SCN9A: variants seen among roughly 807,000 people sequenced by gnomAD.
SCN9A encodes sodium voltage-gated channel alpha subunit 9.
Under a neutral mutation model 187.0 loss-of-function variants are expected in SCN9A, and 131 were observed. The observed-to-expected ratio is 0.70, with a 90% confidence interval of 0.61 to 0.81. The LOEUF (loss-of-function observed/expected upper bound fraction) is 0.81. Among genes scored for constraint, SCN9A ranks in the 30% least tolerant of loss-of-function variants. SCN9A has a pLI of 0.00. For missense variants in SCN9A, 2,252 were observed against 2,396.6 expected (o/e 0.94, Z 1.26); for synonymous variants, 809 against 808.6 (o/e 1.00, Z -0.01).
At chr2:166,314,212 C>G (rs925753883) in intron 1 of SCN9A, among the ~76,000 whole-genome samples, 1 of 152,106 alleles carries the variant, frequency 6.6e-6, no homozygotes, top group African/African-American at 2.4e-5. Flanking sequence ...GAAAAAATTA[C>G]GCTGACAGAC....
intron 17 of SCN9A, among the ~76,000 whole-genome samples, chr2:166,252,374 A>G (rs1558984376): frequency 6.6e-6 from 1 of 151,970 alleles, no homozygotes; most frequent in Non-Finnish European, 1.5e-5. Context: ...TTTTAAAAAG[A>G]TAAGTGCAAG....
intron 1 of SCN9A, among the ~76,000 whole-genome samples, chr2:166,370,951 A>T (rs1700546797): frequency 6.6e-6 from 1 of 152,236 alleles, no homozygotes; most frequent in Non-Finnish European, 1.5e-5. Flanking sequence ...TTGATAAATG[A>T]TTCAGAAAGC....
At chr2:166,201,066 C>T (rs1693488080) in intron 26 of SCN9A, among the ~76,000 whole-genome samples, 1 of 151,780 alleles carries the variant, frequency 6.6e-6, no homozygotes, top group African/African-American at 2.4e-5. Context: ...TATACTGTTT[C>T]CATTTTTGTT....
chr2:166,361,319 C>A (rs930895972), intron 1 of SCN9A, among the ~76,000 whole-genome samples: 5 of 152,010 alleles, frequency 3.3e-5, no homozygotes, highest in African/African-American at 9.7e-5. Context: ...AATAGAAAAG[C>A]TTTTGTATTG....
Position 166,251,804 on chromosome 2 carries a change from G to C in SCN9A, c.3433C>G (p.Pro1145Ala). 1 of 1,612,656 alleles carries C rather than the reference G, an allele frequency of 6.2e-7. No homozygotes were observed. The highest frequency in any genetic ancestry group is 8.5e-7 in the Non-Finnish European group (1 of 1,179,114). ...GCCTCTGGCTCATCGGAATTCATAG[G>C]TTCAGCCTCTGCTTCTTCTCCTTCT... ...PGEGEEAEAE[P>A]MNSDEPEACF... Residue 1145 changes from proline to alanine, a missense_variant, in exon 18 of 27, where the codon CCT (proline) becomes GCT (alanine). Transcript: ENST00000642356.
At chr2:166,210,206 G>A (rs1324819749) in intron 24 of SCN9A, among the ~76,000 whole-genome samples, 1 of 151,758 alleles carries the variant, frequency 6.6e-6, no homozygotes, top group Non-Finnish European at 1.5e-5. Flanking sequence ...CTATCGCAAG[G>A]AAAAAAACCA....
intron 26 of SCN9A, 112 bp from the exon 27 acceptor site, chr2:166,199,976 T>C (rs1007359080): frequency 7.3e-6 from 1 of 137,458 alleles, no homozygotes; most frequent in Non-Finnish European, 1.1e-5. Flanking sequence ...TTCAAGACAG[T>C]TTTTTTTTTT....
chr2:166,321,659 AG>A (rs1699246108), intron 1 of SCN9A: 1 of 152,064 alleles, frequency 6.6e-6, no homozygotes, highest in Non-Finnish European at 1.5e-5. Flanking sequence ...GTTGAAGGAG[AG>A]AAGGAAGATG....
chr2:166,374,052 T>C (rs894023756), intron 1 of SCN9A, among the ~76,000 whole-genome samples: 3 of 152,138 alleles, frequency 2.0e-5, no homozygotes, highest in Non-Finnish European at 2.9e-5. Context: ...AGTAAAAACA[T>C]AGAAGCATTA....
chr2:166,295,890 T>C (rs1698279334), intron 7 of SCN9A: 1 of 152,206 alleles, frequency 6.6e-6, no homozygotes, highest in Non-Finnish European at 1.5e-5. Flanking sequence ...TGTCATTTGC[T>C]GTTAAGGCTT....
At chr2:166,321,722 T>A (rs1699247982) in intron 1 of SCN9A, among the ~76,000 whole-genome samples, 1 of 152,082 alleles carries the variant, frequency 6.6e-6, no homozygotes, top group African/African-American at 2.4e-5. Flanking sequence ...TATTTACTTT[T>A]TAATTCTCAA....
At chr2:166,330,997 GA>G (rs558793028) in intron 1 of SCN9A, among the ~76,000 whole-genome samples, 1 of 151,866 alleles carries the variant, frequency 6.6e-6, no homozygotes, top group African/African-American at 2.4e-5. Flanking sequence ...AGGAGGTTGA[GA>G]AAAAATGCAA....
In SCN9A at chr2:166,288,649, G is replaced by GA; in HGVS notation, c.1108-7dup. The stretch of plus-strand genomic sequence containing the variant: ...TTGCCAGCAGCACGCAGCGTCTAGG[G>GA]AAAAATGGAAATTGTCATTTGAACA... On this transcript the variant is annotated splice_polypyrimidine_tract_variant and splice_region_variant and intron_variant, in intron 9 of 26. Transcript: ENST00000642356. 2 of 1,529,250 alleles carry GA rather than the reference G, an allele frequency of 1.3e-6. No homozygotes were observed. The highest frequency in any genetic ancestry group is 2.3e-5 in the East Asian group (1 of 44,004). The allele number at this position is 1,529,250 out of a possible 1,614,324, so 94.7% of individuals were successfully genotyped here.
At chr2:166,247,333 T>G (rs1695839841) in intron 18 of SCN9A, among the ~76,000 whole-genome samples, 1 of 151,844 alleles carries the variant, frequency 6.6e-6, no homozygotes, top group African/African-American at 2.4e-5. Flanking sequence ...CTAAAACAAA[T>G]ATTTGTTAAC....
At chr2:166,251,408 T>C (rs1463027759) in intron 18 of SCN9A, among the ~76,000 whole-genome samples, 2 of 152,078 alleles carry the variant, frequency 1.3e-5, no homozygotes, top group African/African-American at 4.8e-5. Flanking sequence ...TGAGAGTTAG[T>C]GAGTAGATTC....
At chr2:166,241,682 G>GCAGA (rs59265911) in intron 19 of SCN9A, among the ~76,000 whole-genome samples, 125,306 of 151,818 alleles carry the variant, frequency 0.83, 52,051 homozygotes, top group East Asian at 0.94. Flanking sequence ...GAAATTGCAA[G>GCAGA]CAGTTGTTCT....
intron 13 of SCN9A, 140 bp downstream of exon 13, chr2:166,281,539 T>C (rs1574859104): frequency 3.1e-6 from 2 of 641,830 alleles, no homozygotes; most frequent in East Asian, 5.6e-5. Flanking sequence ...TCAGTATCCA[T>C]TGGTTATCTT....
chr2:166,298,463 C>T (rs1465181336), intron 7 of SCN9A, among the ~76,000 whole-genome samples: 2 of 152,162 alleles, frequency 1.3e-5, no homozygotes, highest in Non-Finnish European at 2.9e-5. Flanking sequence ...GTATGTTTTT[C>T]AGCAGGAGGT....
In SCN9A at chr2:166,372,386, T is replaced by C. The variant is rs191884045; in HGVS notation, c.-51+3311A>G. Among the ~76,000 whole-genome samples, 446 of 152,338 alleles carry C rather than the reference T, an allele frequency of 2.9e-3. 2 individuals carry two copies. Among genetic ancestry groups the C allele is most frequent in the African/African-American group, 9.9e-3 (411 of 41,570 alleles). On this transcript the variant is annotated intron_variant, in intron 1 of 26. Coordinates refer to ENST00000642356, the MANE Select transcript of SCN9A (RefSeq NM_001365536.1). ...ACTGAGCTCACATAAGCATCTATGT[T>C]TATTTTAAAAGAATATTTTAAATTC...
Sources: allele counts gnomAD v4.1 joint callset (sites outside exome capture counted in the v4.1 genomes callset), GRCh38; gene constraint gnomAD v4.1.1; transcripts MANE v1.5; gene names NCBI Gene and HGNC (gene_info 2026-07-23, HGNC 2026-07-21).